RPH3A: variants seen among roughly 807,000 people sequenced by gnomAD.
The protein encoded by RPH3A is rabphilin-3A.
A neutral mutation model predicts 102.2 loss-of-function variants in RPH3A; 48 were observed. The observed-to-expected ratio is 0.47, with a 90% CI of 0.37 to 0.60. The LOEUF (loss-of-function observed/expected upper bound fraction) is 0.60, where lower values mean the gene tolerates loss of function less well. Among genes scored for constraint, RPH3A ranks in the 20% least tolerant of loss-of-function variants. RPH3A has a pLI of 0.00. For missense variants in RPH3A, 781 were observed against 910.1 expected, an observed-to-expected ratio of 0.86 and a Z score of 1.83; for synonymous variants, 310 against 324.3, an observed-to-expected ratio of 0.96 and a Z score of 0.47.
intron 1 of RPH3A, among the ~76,000 whole-genome samples, chr12:112,608,976 A>T (rs1370787566): frequency 1.3e-5 from 2 of 152,206 alleles, no homozygotes; most frequent in Admixed American, 1.3e-4. Flanking sequence ...TAAAATAAAA[A>T]ATTCACTTTT....
intron 1 of RPH3A, among the ~76,000 whole-genome samples, chr12:112,649,000 G>A (rs1272875018): frequency 1.3e-5 from 2 of 152,132 alleles, no homozygotes; most frequent in Non-Finnish European, 2.9e-5. Context: ...TGTGTTTTTA[G>A]TAGAGATGGG....
chr12:112,674,436 A>G (rs2040158220), intron 1 of RPH3A, among the ~76,000 whole-genome samples: 1 of 152,166 alleles, frequency 6.6e-6, no homozygotes, highest in Non-Finnish European at 1.5e-5. Flanking sequence ...CTCTTGTACA[A>G]TTAGTGGATT....
At chr12:112,855,188 C>G (rs10774665) in intron 5 of RPH3A, among the ~76,000 whole-genome samples, 67,976 of 152,024 alleles carry the variant, frequency 0.45, 15,424 homozygotes, top group Admixed American at 0.54. Context: ...CCCTTGAGCC[C>G]TGTACACTTG....
chr12:112,712,234 C>T (rs773548165), intron 1 of RPH3A, among the ~76,000 whole-genome samples: 5 of 152,072 alleles, frequency 3.3e-5, no homozygotes, highest in East Asian at 3.9e-4. Context: ...CACGCAGGCA[C>T]GCACGTAATC....
chr12:112,725,250 G>GAAAAAAA (rs35952537), intron 1 of RPH3A, among the ~76,000 whole-genome samples: 1 of 63,066 alleles, frequency 1.6e-5, no homozygotes, highest in Non-Finnish European at 3.1e-5. Context: ...CTTTGTCTCA[G>GAAAAAAA]AAAAAAAAAA....
chr12:112,876,461 G>GT (rs1431601563), intron 12 of RPH3A, among the ~76,000 whole-genome samples, 181 bp from the exon 13 acceptor site: 1 of 152,130 alleles, frequency 6.6e-6, no homozygotes, highest in Non-Finnish European at 1.5e-5. Context: ...CACAAGGTCT[G>GT]TTTTGCTTAC....
chr12:112,651,992 T>C (rs924479666), intron 1 of RPH3A, among the ~76,000 whole-genome samples: 1 of 152,224 alleles, frequency 6.6e-6, no homozygotes, highest in Non-Finnish European at 1.5e-5. Context: ...TTTCCACCCA[T>C]TCATCTGGTG....
At chr12:112,824,946 A>C (rs1009695325) in intron 2 of RPH3A, among the ~76,000 whole-genome samples, 1 of 152,014 alleles carries the variant, frequency 6.6e-6, no homozygotes, top group Non-Finnish European at 1.5e-5. Context: ...CCTTCCTCCC[A>C]GGATCTCCAA....
At chr12:112,786,245 G>A (rs369830588) in intron 1 of RPH3A, among the ~76,000 whole-genome samples, 4 of 152,212 alleles carry the variant, frequency 2.6e-5, no homozygotes, top group South Asian at 4.1e-4. Context: ...AGCTTGCTTC[G>A]CCAAGTCCTA....
At chr12:112,677,411 T>TCCCTCCTTCCCTCCC (rs2040186291) in intron 1 of RPH3A, among the ~76,000 whole-genome samples, 1 of 17,566 alleles carries the variant, frequency 5.7e-5, no homozygotes, top group Admixed American at 5.2e-4. Context: ...CCCTCCCTCC[T>TCCCTCCTTCCCTCCC]TCCCTCCTTC....
At chr12:112,698,480 A>G (rs2040368234) in intron 1 of RPH3A, among the ~76,000 whole-genome samples, 2 of 152,232 alleles carry the variant, frequency 1.3e-5, no homozygotes, top group South Asian at 2.1e-4. Flanking sequence ...CTTAAAGACT[A>G]TATTTGTAAA....
chr12:112,831,834 T>A, intron 3 of RPH3A: 1 of 456,000 alleles, frequency 2.2e-6, no homozygotes, highest in Non-Finnish European at 4.4e-6. Context: ...CCTTCCTCTG[T>A]AGATGGTTTT....
chr12:112,628,727 A>T (rs764338353), intron 1 of RPH3A, among the ~76,000 whole-genome samples: 1 of 151,540 alleles, frequency 6.6e-6, no homozygotes, highest in Non-Finnish European at 1.5e-5. Flanking sequence ...ACAGAGTGAG[A>T]CCCCATCTCT....
At chr12:112,697,289 G>A (rs192584078) in intron 1 of RPH3A, among the ~76,000 whole-genome samples, 9 of 152,172 alleles carry the variant, frequency 5.9e-5, no homozygotes, top group Admixed American at 1.3e-4. Flanking sequence ...GGATACAATG[G>A]CAATATAAAA....
chr12:112,717,750 C>G (rs1232258464), intron 1 of RPH3A, among the ~76,000 whole-genome samples: 1 of 147,938 alleles, frequency 6.8e-6, no homozygotes, highest in East Asian at 2.0e-4. Context: ...TTGGGTAATA[C>G]CAATGAATAG....
chr12:112,637,047 C>G (rs1484041939), intron 1 of RPH3A, among the ~76,000 whole-genome samples: 1 of 152,108 alleles, frequency 6.6e-6, no homozygotes. Context: ...TCCTCCTATT[C>G]CCATCCTGTA....
intron 13 of RPH3A, among the ~76,000 whole-genome samples, chr12:112,877,288 A>G (rs968031287): frequency 1.3e-5 from 2 of 152,156 alleles, no homozygotes; most frequent in Non-Finnish European, 2.9e-5. Flanking sequence ...TTCTAAAAGT[A>G]ATTTATTAAT....
intron 1 of RPH3A, among the ~76,000 whole-genome samples, chr12:112,655,196 T>A (rs1297440104): frequency 6.6e-6 from 1 of 152,264 alleles, no homozygotes; most frequent in Non-Finnish European, 1.5e-5. Context: ...GGCCTCCTTA[T>A]GGATGAAAGT....
chr12:112,683,298 T>G (rs2040239681), intron 1 of RPH3A, among the ~76,000 whole-genome samples: 1 of 152,182 alleles, frequency 6.6e-6, no homozygotes, highest in Admixed American at 6.5e-5. Flanking sequence ...ACTGTGATCT[T>G]GTTAATGGAA....
Sources: allele counts gnomAD v4.1 joint callset (sites outside exome capture counted in the v4.1 genomes callset), GRCh38; gene constraint gnomAD v4.1.1; transcripts MANE v1.5; gene names NCBI Gene and HGNC (gene_info 2026-07-23, HGNC 2026-07-21).